The following TXNRD2 variants were observed in gnomAD, a reference collection of about 807,000 sequenced individuals.
TXNRD2 encodes thioredoxin reductase 2, also known as thioredoxin reductase 2, mitochondrial.
Under a neutral mutation model 70.8 loss-of-function variants are expected in TXNRD2, and 67 were observed. The ratio of observed to expected loss-of-function variants is 0.95; its 90% CI spans 0.78 to 1.16. TXNRD2 has a LOEUF of 1.16. Among genes scored for constraint, TXNRD2 ranks in the 50% most tolerant of loss-of-function variants. TXNRD2 has a pLI of 0.00. For synonymous variants in TXNRD2, 301 were observed against 295.8 expected (o/e 1.02, Z -0.18); for missense variants, 644 against 719.9 (o/e 0.89, Z 1.21).
chr22:19,940,805 G>T (rs1175623468), intron 1 of TXNRD2, among the ~76,000 whole-genome samples: 1 of 152,156 alleles, frequency 6.6e-6, no homozygotes, highest in African/African-American at 2.4e-5. Context: ...CCACGAGGTG[G>T]TGACTGCCTC....
chr22:19,933,600 C>T (rs1601485903), intron 1 of TXNRD2: 1 of 957,640 alleles, frequency 1.0e-6, no homozygotes, highest in Non-Finnish European at 1.4e-6. Flanking sequence ...CCTGTGCACA[C>T]CCAGGAGCCC....
intron 8 of TXNRD2, among the ~76,000 whole-genome samples, chr22:19,904,194 T>C (rs58952190): frequency 0.035 from 5,297 of 152,280 alleles, 133 homozygotes; most frequent in South Asian, 0.087. Flanking sequence ...TCAAGGGTCC[T>C]GCTCACCCAC....
At chr22:19,894,846 G>A (rs578177777) in intron 11 of TXNRD2, 2 of 466,636 alleles carry the variant, frequency 4.3e-6, no homozygotes, top group African/African-American at 2.0e-5. Context: ...AAATTAGTCA[G>A]GTGTAGTGGT....
chr22:19,925,154 T>C (rs9606181), intron 2 of TXNRD2, among the ~76,000 whole-genome samples: 2 of 151,380 alleles, frequency 1.3e-5, no homozygotes, highest in Non-Finnish European at 2.9e-5. Context: ...CATGGTGGCA[T>C]GCGCCTGTAG....
chr22:19,934,113 C>T (rs1229728779), intron 1 of TXNRD2, among the ~76,000 whole-genome samples: 1 of 152,208 alleles, frequency 6.6e-6, no homozygotes, highest in Admixed American at 6.5e-5. Flanking sequence ...CTCAGGGGCC[C>T]TCCTGTATGG....
chr22:19,903,379 A>G (rs1939864985), intron 8 of TXNRD2, among the ~76,000 whole-genome samples: 1 of 152,204 alleles, frequency 6.6e-6, no homozygotes, highest in Non-Finnish European at 1.5e-5. Context: ...CAGAAAGCGG[A>G]CCTACAGACA....
At chr22:19,878,001 G>T in intron 16 of TXNRD2, 89 bp downstream of exon 16, 2 of 1,109,668 alleles carry the variant, frequency 1.8e-6, no homozygotes, top group African/African-American at 1.5e-5. Flanking sequence ...TGCCGCAAGA[G>T]TGGCAGCAGC....
Position 19,880,225 on chromosome 22 carries a change from A to G in TXNRD2, c.1229T>C (p.Leu410Pro). The G allele has an allele frequency of 6.2e-7, 1 of 1,613,760 alleles. No individual in the cohort carries two copies. Among genetic ancestry groups the G allele is most frequent in the Non-Finnish European group, 8.5e-7 (1 of 1,180,000 alleles). Residue 410 changes from leucine (L) to proline (P), a missense_variant, in exon 14 of 18, where the codon CTG (leucine) becomes CCG (proline). This residue lies in a region of TXNRD2 where 566 missense variants were observed against 645.0 expected (regional missense o/e 0.88). Transcript: ENST00000400521. ...GCGAGCCACTGCCTCCTCCTCGGAC[A>G]GCCCCACACAGCCATACTCCAGCGG... The part of the protein sequence containing the change: ...FTPLEYGCVG[L>P]SEEEAVARHG...
chr22:19,939,030 T>C (rs1289063679), intron 1 of TXNRD2, among the ~76,000 whole-genome samples: 1 of 152,114 alleles, frequency 6.6e-6, no homozygotes, highest in Non-Finnish European at 1.5e-5. Context: ...CCCAAACCAA[T>C]ACCTGGGAAC....
chr22:19,914,145 T>C (rs1375419333), intron 7 of TXNRD2, among the ~76,000 whole-genome samples: 2 of 152,222 alleles, frequency 1.3e-5, no homozygotes, highest in Non-Finnish European at 2.9e-5. Flanking sequence ...CTGGAAGGAA[T>C]GTAAAACACA....
rs5992492 is a variant in TXNRD2, at chr22:19,883,681, T to C, written c.950-220A>G. 284,671 of 596,696 alleles carry C rather than the reference T, an allele frequency of 0.48. 71,183 individuals are homozygous for C. The highest frequency in any genetic ancestry group is 0.75 in the African/African-American group (40,565 of 54,116). The allele number at this position is 596,696 out of a possible 1,614,324, so 37.0% of individuals were successfully genotyped here. ...GATGAAACCCTGTCTCAGCCAGGCG[T>C]GATGGCTCATGCCTATAATCCCAAC... On this transcript the variant is annotated intron_variant, in intron 11 of 17. Transcript: ENST00000400521.
intron 11 of TXNRD2, 28 bp from the exon 12 acceptor site, chr22:19,883,489 G>A (rs577944131): frequency 1.2e-6 from 2 of 1,613,816 alleles, no homozygotes; most frequent in African/African-American, 2.7e-5. Flanking sequence ...GGGGCTGAAA[G>A]GTTATCTTCA....
chr22:19,925,103 C>T lies in TXNRD2; in HGVS notation c.173-5504G>A, dbSNP rs185929832. ...ATCGAGACCATCCTGGCTAACACGGCGAAGCCCCGTTTCTACTAAAATCAC... is the reference window on the plus strand; with the variant it reads ...ATCGAGACCATCCTGGCTAACACGGTGAAGCCCCGTTTCTACTAAAATCAC... On this transcript the variant is annotated intron_variant, in intron 2 of 17. Coordinates refer to ENST00000400521, the MANE Select transcript of TXNRD2 (RefSeq NM_006440.5). 1.5e-3 allele frequency among the ~76,000 whole-genome samples: 224 copies of T among 150,604 alleles called. 2 individuals are homozygous for T. Among genetic ancestry groups the T allele is most frequent in the South Asian group, 3.1e-3 (15 of 4,788 alleles).
chr22:19,929,361 G>T (rs376475520), intron 2 of TXNRD2, among the ~76,000 whole-genome samples: 4 of 151,216 alleles, frequency 2.6e-5, no homozygotes, highest in Admixed American at 6.6e-5. Context: ...CCATATACAG[G>T]TACAGTGGCC....
At position 19,906,865 on chromosome 22, in the gene TXNRD2, G is replaced by A. The variant is rs565083354; in HGVS notation, c.662+4512C>T. 1.5e-3 allele frequency among the ~76,000 whole-genome samples: 169 copies of A among 110,756 alleles called. No individual in the cohort carries two copies. The Middle Eastern group carries it at 0.015, about 10-fold the overall frequency. 72.7% of individuals were successfully genotyped at this position (110,756 alleles called of 152,430 possible). On this transcript the variant is annotated intron_variant, in intron 8 of 17. Coordinates refer to ENST00000400521, the MANE Select transcript of TXNRD2 (RefSeq NM_006440.5). The stretch of plus-strand genomic sequence containing the variant: ...CCACTCTCAGGAGAGTGTGGGCGCC[G>A]TGGGTAGCAGTGACCGCTCTCAGGA...
intron 11 of TXNRD2, chr22:19,887,603 T>C (rs988342423): frequency 1.1e-4 from 16 of 152,248 alleles, no homozygotes; most frequent in Non-Finnish European, 1.8e-4. Flanking sequence ...CATCAAGCGC[T>C]GCCTGGAGGA....
At chr22:19,894,418 G>A (rs930278952) in intron 11 of TXNRD2, 2 of 152,830 alleles carry the variant, frequency 1.3e-5, no homozygotes, top group Non-Finnish European at 2.9e-5. Context: ...TTATGTGTAT[G>A]TCACCATAAT....
chr22:19,880,129 G>A (rs774317524), intron 14 of TXNRD2, 50 bp downstream of exon 14: 8 of 1,582,868 alleles, frequency 5.1e-6, no homozygotes, highest in African/African-American at 1.3e-5. Context: ...AGCATGGGGT[G>A]AGGTCGTGGA....
At chr22:19,902,883 T>G (rs74953411) in intron 8 of TXNRD2, 7,907 of 500,940 alleles carry the variant, frequency 0.016, 529 homozygotes, top group African/African-American at 0.14. Context: ...AAGATAAAAT[T>G]TATCTTCTTC....
Sources: allele counts gnomAD v4.1 joint callset (sites outside exome capture counted in the v4.1 genomes callset), GRCh38; gene constraint gnomAD v4.1.1; regional missense constraint gnomAD v4.1.1; transcripts MANE v1.5; gene names NCBI Gene and HGNC (gene_info 2026-07-23, HGNC 2026-07-21).